Variants in OR51G2 observed in about 807,000 individuals in gnomAD.
OR51G2 encodes the protein olfactory receptor family 51 subfamily G member 2.
Under a neutral mutation model 11.8 loss-of-function variants are expected in OR51G2, and 13 were observed. The observed-to-expected ratio is 1.10, with a 90% confidence interval of 0.72 to 1.76. OR51G2 has a LOEUF of 1.76. Among genes scored for constraint, OR51G2 ranks in the 40% most tolerant of loss-of-function variants. The pLI is 0.00. For synonymous variants in OR51G2, 178 were observed against 151.9 expected, an observed-to-expected ratio of 1.17 and a Z score of -1.26; for missense variants, 474 against 394.4, an observed-to-expected ratio of 1.20 and a Z score of -1.71.
chr11:4,918,176 G>A (rs1180540401), intron 1 of OR51G2, among the ~76,000 whole-genome samples: 2 of 152,020 alleles, frequency 1.3e-5, no homozygotes, highest in African/African-American at 2.4e-5. Context: ...CTAGAATCAC[G>A]CAGCCAGTCA....
At position 4,915,316 on chromosome 11, in the gene OR51G2, C is replaced by T; in HGVS notation, c.348G>A (p.Glu116=). 1.9e-6 allele frequency: 3 copies of T among 1,613,896 alleles called. No homozygotes were observed. The highest frequency in any genetic ancestry group is 1.1e-5 in the South Asian group (1 of 91,062). Residue 116 remains glutamate, a synonymous_variant, in exon 2 of 2, where the codon GAG becomes GAA. Transcript: ENST00000641926. ...AGGCCATAGACAGTAGCACAGAGGA[C>T]TCGAGGAAGGAGAAGCAGTGAATGA... ...LFFIHCFSFL[E]SSVLLSMAFD...
In OR51G2 at chr11:4,915,166, A is replaced by T; in HGVS notation, c.498T>A (p.Phe166Leu). ...CACAATAGGGGAATCTTTTGAGCAT[A>T]AAAGGTAATGGAAAAATGAGTGCTA... Reference protein sequence around the residue: ...RSVALIFPLPFMLKRFPYCGS... With the variant: ...RSVALIFPLPLMLKRFPYCGS... The change falls in exon 2 of 2, where the codon TTT (phenylalanine) becomes TTA (leucine). Residue 166 changes from phenylalanine to leucine, a missense_variant. Phe to Leu is a conservative substitution (Grantham distance 22). Transcript: ENST00000641926. The T allele has an allele frequency of 6.2e-7, 1 of 1,614,094 alleles. No homozygotes were observed. The highest frequency in any genetic ancestry group is 8.5e-7 in the Non-Finnish European group (1 of 1,179,996).
In OR51G2 at chr11:4,915,443, A is replaced by T; in HGVS notation, c.221T>A (p.Ile74Asn). The T allele has an allele frequency of 6.2e-7, 1 of 1,614,126 alleles. No homozygotes were observed. The part of the protein sequence containing the change: ...MYLFLSMLAL[I>N]DLGLSLCTLP... ...AGTGCAAAGGGAGAGACCCAGGTCA[A>T]TCAGAGCCAGCATGGACAGGAAGAG... The change falls in exon 2 of 2, where the codon ATT becomes AAT. Residue 74 changes from isoleucine to asparagine, a missense_variant. Coordinates refer to ENST00000641926, the MANE Select transcript of OR51G2 (RefSeq NM_001005238.2).
intron 1 of OR51G2, among the ~76,000 whole-genome samples, chr11:4,917,114 T>C (rs1851106541): frequency 6.6e-6 from 1 of 151,746 alleles, no homozygotes; most frequent in South Asian, 2.1e-4. Context: ...AATCCAGTAT[T>C]TAGAACATGC....
At chr11:4,916,127 G>T (rs1360912928) in intron 1 of OR51G2, among the ~76,000 whole-genome samples, 1 of 150,874 alleles carries the variant, frequency 6.6e-6, no homozygotes, top group Non-Finnish European at 1.5e-5. Flanking sequence ...GACCATCCTG[G>T]CTAACACAGT....
At position 4,914,664 on chromosome 11, in the gene OR51G2, G is replaced by T; in HGVS notation, c.*55C>A. On this transcript the variant is annotated 3_prime_UTR_variant, in exon 2 of 2. Coordinates refer to ENST00000641926, the MANE Select transcript of OR51G2 (RefSeq NM_001005238.2). ...TTTTATGCATGTTAGAAATTATAAA[G>T]GATAGGCAAACAAGGGCACGTTTCA... is the stretch of plus-strand genomic sequence containing the variant. 8.4e-7 allele frequency: 1 copy of T among 1,196,684 alleles called. No homozygotes were observed. The highest frequency in any genetic ancestry group is 1.4e-5 in the South Asian group (1 of 71,178). The allele number at this position is 1,196,684 out of a possible 1,614,324, so 74.1% of individuals were successfully genotyped here.
rs760165957 is a variant in OR51G2 at position 4,915,502 on chromosome 11, A to T, written c.162T>A (p.Ile54=). 2 of 1,614,130 alleles carry T rather than the reference A, an allele frequency of 1.2e-6. No homozygotes were observed. Among genetic ancestry groups the T allele is most frequent in the East Asian group, 4.5e-5 (2 of 44,846 alleles). ...GTTCATGAAGTGAGCGCTCTGTTTT[A>T]ATGATAAAAAGAATTGTGCAGTTGC... The part of the protein sequence containing the change: ...IPGNCTILFI[I]KTERSLHEPM... The change falls in exon 2 of 2, where the codon ATT becomes ATA. Residue 54 remains isoleucine (I), a synonymous_variant. Coordinates refer to ENST00000641926, the MANE Select transcript of OR51G2 (RefSeq NM_001005238.2).
rs1260954212 is a variant in OR51G2 at position 4,915,109 on chromosome 11, G to A, written c.555C>T (p.Leu185=). The A allele has an allele frequency of 6.2e-7, 1 of 1,613,982 alleles. No individual in the cohort carries two copies. The highest frequency in any genetic ancestry group is 1.6e-4 in the Middle Eastern group (1 of 6,082). The part of the protein sequence containing the change: ...GSPVLSHSYC[L]HQEVMKLACA... Reference sequence around the variant, plus strand: ...AGGCCAATTTCATCACTTCTTGGTGGAGACAATAAGAATGTGAGAGAACTG... The same window carrying A: ...AGGCCAATTTCATCACTTCTTGGTGAAGACAATAAGAATGTGAGAGAACTG... The change falls in exon 2 of 2, where the codon CTC becomes CTT. Residue 185 remains leucine (L), a synonymous_variant. Transcript: ENST00000641926.
In OR51G2 at chr11:4,915,145, A is replaced by C; in HGVS notation, c.519T>G (p.Tyr173Ter). The change falls in exon 2 of 2, where the codon TAT becomes TAG. Residue 173 changes from tyrosine (Y) to a stop codon, truncating the protein, a stop_gained. Transcript: ENST00000641926. LOFTEE classifies it high-confidence loss of function. ...AATGTGAGAGAACTGGGGAGCCACA[A>C]TAGGGGAATCTTTTGAGCATAAAAG... ...PLPFMLKRFPYCGSPVLSHSY... is the reference protein window; with the variant it reads ...PLPFMLKRFP 6.2e-7 allele frequency: 1 copy of C among 1,614,130 alleles called. No individual in the cohort carries two copies. The highest frequency in any genetic ancestry group is 8.5e-7 in the Non-Finnish European group (1 of 1,180,024).
chr11:4,913,668 A>T lies in OR51G2; in HGVS notation c.*1051T>A, dbSNP rs1024033730. 6.6e-6 allele frequency: 1 copy of T among 152,162 alleles called. No individual in the cohort carries two copies. Among genetic ancestry groups the T allele is most frequent in the Non-Finnish European group, 1.5e-5 (1 of 68,040 alleles). 9.4% of individuals were successfully genotyped at this position (152,162 alleles called of 1,614,324 possible). Reference sequence around the variant, plus strand: ...ACAGTCAGTACCTCAATCTGTTTCCACTTCACCTCATTTTTCTTAAACCTT... The same window carrying T: ...ACAGTCAGTACCTCAATCTGTTTCCTCTTCACCTCATTTTTCTTAAACCTT... On this transcript the variant is annotated 3_prime_UTR_variant, in exon 2 of 2. Transcript: ENST00000641926.
At position 4,915,471 on chromosome 11, in the gene OR51G2, A is replaced by G; in HGVS notation, c.193T>C (p.Tyr65His). ...KTERSLHEPM[Y>H]LFLSMLALID... ...AGAGCCAGCATGGACAGGAAGAGAT[A>G]CATAGGTTCATGAAGTGAGCGCTCT... is the stretch of plus-strand genomic sequence containing the variant. Residue 65 changes from tyrosine (Y) to histidine (H), a missense_variant, in exon 2 of 2, where the codon TAT (tyrosine) becomes CAT (histidine). By Grantham distance (83) the Tyr-to-His change is moderately conservative. Coordinates refer to ENST00000641926, the MANE Select transcript of OR51G2 (RefSeq NM_001005238.2). The G allele has an allele frequency of 6.2e-7, 1 of 1,614,162 alleles. No individual in the cohort carries two copies. Among genetic ancestry groups the G allele is most frequent in the Non-Finnish European group, 8.5e-7 (1 of 1,180,036 alleles).
At chr11:4,917,455 G>A (rs1851114520) in intron 1 of OR51G2, among the ~76,000 whole-genome samples, 1 of 152,146 alleles carries the variant, frequency 6.6e-6, no homozygotes, top group Admixed American at 6.5e-5. Context: ...GCCTTTAAAA[G>A]CATTGCTGAT....
At chr11:4,917,308 C>G (rs1340249365) in intron 1 of OR51G2, among the ~76,000 whole-genome samples, 1 of 152,094 alleles carries the variant, frequency 6.6e-6, no homozygotes, top group Admixed American at 6.5e-5. Context: ...TTTCTAAGAT[C>G]AGACAAATAG....
Position 4,915,739 on chromosome 11 carries a change from C to G in OR51G2, c.-76G>C. Reference sequence around the variant, plus strand: ...AATTGAGGCAGTACTGGTGATTGCACCTGGTGGAAATTAAAGAAAAAAAAT... The same window carrying G: ...AATTGAGGCAGTACTGGTGATTGCAGCTGGTGGAAATTAAAGAAAAAAAAT... On this transcript the variant is annotated splice_region_variant and 5_prime_UTR_variant, in exon 2 of 2. Coordinates refer to ENST00000641926, the MANE Select transcript of OR51G2 (RefSeq NM_001005238.2). The G allele has an allele frequency of 1.1e-6, 1 of 947,722 alleles. No individual in the cohort carries two copies. The highest frequency in any genetic ancestry group is 3.0e-4 in the Middle Eastern group (1 of 3,376). The allele number at this position is 947,722 out of a possible 1,614,324, so 58.7% of individuals were successfully genotyped here. A position where few individuals can be genotyped will look rare whatever the true frequency, so the allele number is the denominator to read the frequency against.
In OR51G2 at chr11:4,914,587, G is replaced by A. The variant is rs1851044563; in HGVS notation, c.*132C>T. ...CACAACAGAGTGAGGGTTCTGTAAG[G>A]ACTGTAACTCATCCCTGTACATGTT... On this transcript the variant is annotated 3_prime_UTR_variant, in exon 2 of 2. Transcript: ENST00000641926. The A allele has an allele frequency of 3.0e-6, 2 of 657,412 alleles. No homozygotes were observed. The highest frequency in any genetic ancestry group is 5.2e-6 in the Non-Finnish European group (2 of 381,234). The allele number at this position is 657,412 out of a possible 1,614,324, so 40.7% of individuals were successfully genotyped here. A position where few individuals can be genotyped will look rare whatever the true frequency, so the allele number is the denominator to read the frequency against.
Position 4,915,529 on chromosome 11 carries a change from C to A in OR51G2, c.135G>T (p.Pro45=). The change falls in exon 2 of 2, where the codon CCG becomes CCT. Residue 45 remains proline (P), a synonymous_variant. Coordinates refer to ENST00000641926, the MANE Select transcript of OR51G2 (RefSeq NM_001005238.2). ...PLCFMYLVSI[P]GNCTILFIIK... is the part of the protein sequence containing the mutation. Reference sequence around the variant, plus strand: ...TGATAAAAAGAATTGTGCAGTTGCCCGGGATGGAAACCAGATACATGAAGC... The same window carrying A: ...TGATAAAAAGAATTGTGCAGTTGCCAGGGATGGAAACCAGATACATGAAGC... The A allele has an allele frequency of 1.2e-6, 2 of 1,614,014 alleles. No individual in the cohort carries two copies. The highest frequency in any genetic ancestry group is 1.7e-6 in the Non-Finnish European group (2 of 1,179,992).
Position 4,914,933 on chromosome 11 carries a change from T to A in OR51G2, c.731A>T (p.Asn244Ile). ...AGCACAGATGTGGGAAACACAGGTG[T>A]TAAGGGCCTTGAATCTCTCAGCCCT... ...ASRAERFKALNTCVSHICAVL... is the reference protein window; with the variant it reads ...ASRAERFKALITCVSHICAVL... Residue 244 changes from asparagine to isoleucine, a missense_variant, in exon 2 of 2, where the codon AAC becomes ATC. Transcript: ENST00000641926. The A allele has an allele frequency of 1.2e-6, 2 of 1,614,030 alleles. No individual in the cohort carries two copies. Among genetic ancestry groups the A allele is most frequent in the South Asian group, 1.1e-5 (1 of 91,068 alleles).
chr11:4,915,869 C>A, intron 1 of OR51G2, 130 bp from the exon 2 acceptor site: 1 of 498,704 alleles, frequency 2.0e-6, no homozygotes, highest in Non-Finnish European at 3.5e-6. Context: ...CTCATAGTTT[C>A]AATAAGAAGC....
chr11:4,915,249 A>G lies in OR51G2; in HGVS notation c.415T>C (p.Ser139Pro), dbSNP rs1402052191. 6.2e-7 allele frequency: 1 copy of G among 1,614,054 alleles called. No homozygotes were observed. Among genetic ancestry groups the G allele is most frequent in the Admixed American group, 1.7e-5 (1 of 60,018 alleles). Residue 139 changes from serine (S) to proline (P), a missense_variant, in exon 2 of 2, where the codon TCC (serine) becomes CCC (proline). Ser to Pro is a moderately conservative substitution (Grantham distance 74). Coordinates refer to ENST00000641926, the MANE Select transcript of OR51G2 (RefSeq NM_001005238.2). Reference protein sequence around the residue: ...VAICHPLHYVSILTNTVIGRI... With the variant: ...VAICHPLHYVPILTNTVIGRI... Reference sequence around the variant, plus strand: ...CCAATGACTGTGTTGGTGAGAATGGAAACATAGTGCAAGGGGTGGCAGATA... The same window carrying G: ...CCAATGACTGTGTTGGTGAGAATGGGAACATAGTGCAAGGGGTGGCAGATA...
Sources: gnomAD v4.1 joint callset for allele counts (sites outside exome capture counted in the v4.1 genomes callset) on GRCh38, gnomAD v4.1.1 for gene constraint, MANE v1.5 for transcripts, NCBI Gene and HGNC (gene_info 2026-07-23, HGNC 2026-07-21) for gene names.